The following MYH7 variants were observed in gnomAD, a reference collection of about 807,000 sequenced individuals.
MYH7 encodes myosin heavy chain 7.
A neutral mutation model predicts 225.4 loss-of-function variants in MYH7; 129 were observed. That is an observed-to-expected ratio of 0.57 (90% CI 0.50 to 0.66). The LOEUF is 0.66. Ranked by LOEUF, MYH7 falls within the 30% of genes least tolerant of loss-of-function variation. The pLI, the probability that MYH7 is intolerant of heterozygous loss-of-function variation, is 0.00. For synonymous variants in MYH7, 971 were observed against 1,007.6 expected (o/e 0.96, Z 0.69); for missense variants, 1,649 against 2,517.0 (o/e 0.66, Z 7.38).
intron 6 of MYH7, 34 bp downstream of exon 6, chr14:23,432,438 AGGGAGAT>A: frequency 6.2e-7 from 1 of 1,613,248 alleles, no homozygotes; most frequent in South Asian, 1.1e-5. Flanking sequence ...GGCTGGGATC[AGGGAGAT>A]TCTGAAAGGG....
At chr14:23,434,942 C>T (rs1412601870) in intron 1 of MYH7, among the ~76,000 whole-genome samples, 3 of 152,106 alleles carry the variant, frequency 2.0e-5, no homozygotes, top group Non-Finnish European at 4.4e-5. Flanking sequence ...TCAATCCGCA[C>T]CCCAACCCCA....
chr14:23,414,114 A>G lies in MYH7; in HGVS notation c.5560-12T>C. The G allele has an allele frequency of 6.2e-7, 1 of 1,609,212 alleles. No individual in the cohort carries two copies. The highest frequency in any genetic ancestry group is 8.5e-7 in the Non-Finnish European group (1 of 1,179,310). On this transcript the variant is annotated splice_polypyrimidine_tract_variant and intron_variant, in intron 37 of 39. Coordinates refer to ENST00000355349, the MANE Select transcript of MYH7 (RefSeq NM_000257.4). The stretch of plus-strand genomic sequence containing the variant: ...CTGTCCTCCTCCGTCTGGGGGCCAG[A>G]GGGTAGGCAGGGGGTGAAGATGGCA...
intron 37 of MYH7, among the ~76,000 whole-genome samples, chr14:23,414,415 T>A (rs927531190): frequency 6.6e-6 from 1 of 152,240 alleles, no homozygotes; most frequent in East Asian, 1.9e-4. Context: ...GCTCTGGACC[T>A]CGGCACATGC....
Position 23,415,344 on chromosome 14 carries a change from A to C in MYH7, c.5283+37T>G, listed in dbSNP as rs377182974. 1.6e-5 allele frequency: 26 copies of C among 1,614,064 alleles called. No individual in the cohort carries two copies. Among genetic ancestry groups the C allele is most frequent in the Non-Finnish European group, 1.9e-5 (23 of 1,180,048 alleles). On this transcript the variant is annotated intron_variant, in intron 36 of 39. Transcript: ENST00000355349. This position sits in a 1 kb window ranked among gnomAD's most constrained non-coding sequence, Gnocchi z 6.3. ...CTTGCTGCCCAGCCCACGGAGAGAC[A>C]CTGGTCTGGATCGGGTCGGTGGAGT...
chr14:23,425,230 G>A lies in MYH7; in HGVS notation c.2423+52C>T. 3 of 1,613,990 alleles carry A rather than the reference G, an allele frequency of 1.9e-6. No homozygotes were observed. In the South Asian group the frequency reaches 3.3e-5, roughly 18 times the overall value. ...AGCTTTTTTTCCTGACACTGCCCCTGAACCAGCCTGGGCCTCAGAGAAGCG... is the reference window on the plus strand; with the variant it reads ...AGCTTTTTTTCCTGACACTGCCCCTAAACCAGCCTGGGCCTCAGAGAAGCG... On this transcript the variant is annotated intron_variant, in intron 21 of 39. Coordinates refer to ENST00000355349, the MANE Select transcript of MYH7 (RefSeq NM_000257.4). This position sits in a 1 kb window ranked among gnomAD's most constrained non-coding sequence, Gnocchi z 4.6.
In MYH7 at chr14:23,429,869, G is replaced by A. The variant is rs1892856878; in HGVS notation, c.1044C>T (p.Ser348=). 1 of 1,614,068 alleles carries A rather than the reference G, an allele frequency of 6.2e-7. No individual in the cohort carries two copies. Among genetic ancestry groups the A allele is most frequent in the Non-Finnish European group, 8.5e-7 (1 of 1,180,020 alleles). The part of the protein sequence containing the change: ...VLGFTSEEKN[S]MYKLTGAIMH... ...TGATGGCGCCTGTCAGCTTATACAT[G>A]GAGTTTTTCTCCTCTGAAGTGAAGC... The change falls in exon 12 of 40, where the codon TCC becomes TCT. Residue 348 remains serine, a synonymous_variant. Coordinates refer to ENST00000355349, the MANE Select transcript of MYH7 (RefSeq NM_000257.4).
chr14:23,429,880 C>T lies in MYH7; in HGVS notation c.1033G>A (p.Glu345Lys), dbSNP rs746879008. 3 of 1,614,092 alleles carry T rather than the reference C, an allele frequency of 1.9e-6. No individual in the cohort carries two copies. Among genetic ancestry groups the T allele is most frequent in the Admixed American group, 3.3e-5 (2 of 60,028 alleles). The change falls in exon 12 of 40, where the codon GAG (glutamate) becomes AAG (lysine). Residue 345 changes from glutamate to lysine, a missense_variant. Coordinates refer to ENST00000355349, the MANE Select transcript of MYH7 (RefSeq NM_000257.4). ...GTCAGCTTATACATGGAGTTTTTCT[C>T]CTCTGAAGTGAAGCCCAGCACATCA... ...AFDVLGFTSEEKNSMYKLTGA... is the reference protein window; with the variant it reads ...AFDVLGFTSEKKNSMYKLTGA...
intron 30 of MYH7, 110 bp from the exon 31 acceptor site, chr14:23,417,796 G>A: frequency 7.0e-7 from 1 of 1,436,678 alleles, no homozygotes; most frequent in Non-Finnish European, 9.6e-7. Flanking sequence ...CAGAAGTGTA[G>A]CTGGAGAAGC....
In MYH7 at chr14:23,422,169, G is replaced by A. The variant is rs1370429783; in HGVS notation, c.3245+11C>T. 1 of 1,612,428 alleles carries A rather than the reference G, an allele frequency of 6.2e-7. No individual in the cohort carries two copies. Among genetic ancestry groups the A allele is most frequent in the Non-Finnish European group, 8.5e-7 (1 of 1,179,996 alleles). ...GGGAGGAGGAAGGGCAGCAGGGAGG[G>A]GACACAGTACTTTTTCAGCCGCTCA... On this transcript the variant is annotated intron_variant, in intron 25 of 39. Transcript: ENST00000355349.
intron 22 of MYH7, 27 bp from the exon 23 acceptor site, chr14:23,424,176 T>G (rs1892601841): frequency 2.5e-6 from 4 of 1,613,774 alleles, no homozygotes. Flanking sequence ...GAGGGGAGGC[T>G]GTTCAGGGGG....
intron 37 of MYH7, 116 bp from the exon 38 acceptor site, chr14:23,414,218 A>G: frequency 3.7e-6 from 3 of 810,326 alleles, no homozygotes; most frequent in Non-Finnish European, 6.1e-6. Flanking sequence ...TCTGATCCTC[A>G]CTAAACACTT....
In MYH7 at chr14:23,415,936, T is replaced by C. The variant is rs904942736; in HGVS notation, c.4953+68A>G. The C allele has an allele frequency of 4.3e-6, 7 of 1,613,546 alleles. No homozygotes were observed. Among genetic ancestry groups the C allele is most frequent in the Non-Finnish European group, 5.9e-6 (7 of 1,179,752 alleles). ...CAGTAACCTAGGGGCAGGAGGAATC[T>C]GGTGCCTGTATCAAGACACTACTGC... is the stretch of plus-strand genomic sequence containing the variant. On this transcript the variant is annotated intron_variant, in intron 34 of 39. Transcript: ENST00000355349. This position sits in a 1 kb window ranked among gnomAD's most constrained non-coding sequence, Gnocchi z 6.3.
At chr14:23,422,531 G>C (rs1225422419) in intron 24 of MYH7, among the ~76,000 whole-genome samples, 1 of 151,482 alleles carries the variant, frequency 6.6e-6, no homozygotes, top group Non-Finnish European at 1.5e-5. Context: ...AGGAATAAAT[G>C]ACTGTGGGAT....
Position 23,421,005 on chromosome 14 carries a change from C to G in MYH7, c.3289G>C (p.Glu1097Gln). 1 of 1,612,782 alleles carries G rather than the reference C, an allele frequency of 6.2e-7. No homozygotes were observed. The highest frequency in any genetic ancestry group is 8.5e-7 in the Non-Finnish European group (1 of 1,180,024). The change falls in exon 26 of 40, where the codon GAA becomes CAA. Residue 1097 changes from glutamate (E) to glutamine (Q), a missense_variant. This residue lies in a region of MYH7 where 282 missense variants were observed against 315.3 expected (regional missense o/e 0.89). Coordinates refer to ENST00000355349, the MANE Select transcript of MYH7 (RefSeq NM_000257.4). ...LNALNARIED[E>Q]QALGSQLQKK... ...TGCAGCTGGCTGCCGAGGGCCTGTT[C>G]ATCCTCAATCCTTGCGTTGAGAGCA...
chr14:23,430,573 A>T lies in MYH7; in HGVS notation c.986T>A (p.Leu329His). The change falls in exon 11 of 40, where the codon CTC (leucine) becomes CAC (histidine). Residue 329 changes from leucine to histidine, a missense_variant. Leu to His is a moderately conservative substitution (Grantham distance 99). Transcript: ENST00000355349. ...TCACACACTCACATCAGTGGCCATGAGCTCCTCAGCGTCATCAATGGAGGC... is the reference window on the plus strand; with the variant it reads ...TCACACACTCACATCAGTGGCCATGTGCTCCTCAGCGTCATCAATGGAGGC... ...TVASIDDAEE[L>H]MATDNAFDVL... is the part of the protein sequence containing the mutation. The T allele has an allele frequency of 6.2e-7, 1 of 1,613,524 alleles. No individual in the cohort carries two copies. The highest frequency in any genetic ancestry group is 8.5e-7 in the Non-Finnish European group (1 of 1,179,612).
Position 23,415,325 on chromosome 14 carries a change from G to T in MYH7, c.5284-55C>A. ...CTGGTCAAGTCCTCACACACTTGCT[G>T]CCCAGCCCACGGAGAGACACTGGTC... On this transcript the variant is annotated intron_variant, in intron 36 of 39. Coordinates refer to ENST00000355349, the MANE Select transcript of MYH7 (RefSeq NM_000257.4). The surrounding 1 kb of genome is among the most constrained non-coding windows in gnomAD (Gnocchi z 6.3). 1 of 1,614,226 alleles carries T rather than the reference G, an allele frequency of 6.2e-7. No individual in the cohort carries two copies. The highest frequency in any genetic ancestry group is 8.5e-7 in the Non-Finnish European group (1 of 1,180,038).
rs752843308 is a variant in MYH7, at chr14:23,423,600, T to C, written c.3046A>G (p.Lys1016Glu). 4 of 1,614,090 alleles carry C rather than the reference T, an allele frequency of 2.5e-6. No individual in the cohort carries two copies. The highest frequency in any genetic ancestry group is 1.7e-5 in the Admixed American group (1 of 60,012). The change falls in exon 24 of 40, where the codon AAG (lysine) becomes GAG (glutamate). Residue 1016 changes from lysine to glutamate, a missense_variant. Physicochemically the swap from Lys to Glu is moderately conservative, Grantham distance 56 (BLOSUM62 1). This residue lies in a region of MYH7 where 282 missense variants were observed against 315.3 expected (regional missense o/e 0.89). Transcript: ENST00000355349. ...ALDDLQAEED[K>E]VNTLTKAKVK... ...TTGGCCTTAGTCAGGGTGTTGACCT[T>C]GTCCTCCTCGGCCTGAAGGTCATCC...
rs730880158 is a variant in MYH7, at chr14:23,429,293, C to T, written c.1193G>A (p.Gly398Glu). 5.0e-6 allele frequency: 8 copies of T among 1,614,076 alleles called. No individual in the cohort carries two copies. The highest frequency in any genetic ancestry group is 2.2e-5 in the South Asian group (2 of 91,088). ...MGLNSADLLKGLCHPRVKVGN... is the reference protein window; with the variant it reads ...MGLNSADLLKELCHPRVKVGN... ...CACTTTCACCCGAGGGTGGCACAGC[C>T]CCTTGAGCAGGTCGGCTGAGTTCAG... Residue 398 changes from glycine (G) to glutamate (E), a missense_variant, in exon 13 of 40, where the codon GGG becomes GAG. Around this residue, in one of 12 missense-constraint regions of MYH7, gnomAD observed 76 missense variants for 233.8 expected, o/e 0.33. Coordinates refer to ENST00000355349, the MANE Select transcript of MYH7 (RefSeq NM_000257.4).
In MYH7 at chr14:23,419,377, A is replaced by G. The variant is rs984252781; in HGVS notation, c.3854-82T>C. 8 of 1,611,034 alleles carry G rather than the reference A, an allele frequency of 5.0e-6. No homozygotes were observed. In the African/African-American group the frequency reaches 1.1e-4, roughly 22 times the overall value. On this transcript the variant is annotated intron_variant, in intron 28 of 39. Coordinates refer to ENST00000355349, the MANE Select transcript of MYH7 (RefSeq NM_000257.4). ...CCCTCAGGCCCCATTTTCTGGAGAG[A>G]CTCTGTGTCTGTGTGTGCGTGTATT...
Sources: gnomAD v4.1 joint callset for allele counts (sites outside exome capture counted in the v4.1 genomes callset) on GRCh38, gnomAD v4.1.1 for gene constraint, gnomAD v4.1.1 regional missense constraint, Gnocchi (gnomAD v3.1) non-coding constraint, MANE v1.5 for transcripts, NCBI Gene and HGNC (gene_info 2026-07-23, HGNC 2026-07-21) for gene names.